The following OTOGL variants were observed in gnomAD, a reference collection of about 807,000 sequenced individuals.
OTOGL encodes otogelin like.
Under a neutral mutation model 318.5 loss-of-function variants are expected in OTOGL, and 285 were observed. The ratio of observed to expected loss-of-function variants is 0.89; its 90% CI spans 0.81 to 0.99. The LOEUF (loss-of-function observed/expected upper bound fraction) is 0.99, where lower values mean the gene tolerates loss of function less well. Ranked by LOEUF, OTOGL falls within the 50% of genes least tolerant of loss-of-function variation. The pLI is 0.00. For synonymous variants in OTOGL, 987 were observed against 936.5 expected (o/e 1.05, Z -0.99); for missense variants, 2,899 against 2,845.6 (o/e 1.02, Z -0.43).
intron 58 of OTOGL, 32 bp from the exon 59 acceptor site, chr12:80,377,816 A>C: frequency 6.6e-7 from 1 of 1,511,528 alleles, no homozygotes; most frequent in East Asian, 2.3e-5. Context: ...TTAAAAGTTT[A>C]AGACTTTTTT....
intron 13 of OTOGL, 115 bp downstream of exon 13, chr12:80,252,316 T>A (rs1459007794): frequency 8.5e-7 from 1 of 1,176,250 alleles, no homozygotes; most frequent in Non-Finnish European, 1.1e-6. Flanking sequence ...TATTGCAATT[T>A]TCTGTTCTTG....
At chr12:80,146,572 T>TAA (rs558377529) in intron 1 of OTOGL, among the ~76,000 whole-genome samples, 7 of 151,174 alleles carry the variant, frequency 4.6e-5, no homozygotes, top group African/African-American at 1.7e-4. Flanking sequence ...GCTGGCCTCA[T>TAA]AAAATGAGTT....
rs1266187258 is a variant in OTOGL, at chr12:80,219,230, G to A, written c.236-584G>A. 2.6e-5 allele frequency among the ~76,000 whole-genome samples: 4 copies of A among 152,226 alleles called. No individual in the cohort carries two copies. In the East Asian group the frequency reaches 7.7e-4, roughly 29 times the overall value. On this transcript the variant is annotated intron_variant, in intron 5 of 58. Coordinates refer to ENST00000547103, the MANE Select transcript of OTOGL (RefSeq NM_001378609.3). ...GGGTTCAAGTGATTCTCCTGCCTCA[G>A]CCTCCCATGTAGCTGGGACTACAGG...
At chr12:80,251,201 A>G (rs990789201) in intron 11 of OTOGL, among the ~76,000 whole-genome samples, 16 of 152,190 alleles carry the variant, frequency 1.1e-4, no homozygotes, top group African/African-American at 3.6e-4. Flanking sequence ...TTTGATTACT[A>G]TAGATTATTG....
intron 1 of OTOGL, among the ~76,000 whole-genome samples, chr12:80,112,417 C>A (rs2137082165): frequency 6.6e-6 from 1 of 152,228 alleles, no homozygotes; most frequent in East Asian, 1.9e-4. Flanking sequence ...AGATGTCTTC[C>A]ATCAATAGCT....
rs542415845 is a variant in OTOGL, at chr12:80,198,454, C to T, written c.-19-10959C>T. Among the ~76,000 whole-genome samples, 34 of 152,114 alleles carry T rather than the reference C, an allele frequency of 2.2e-4. 1 individual carries two copies. In the East Asian group the frequency reaches 5.6e-3, roughly 25 times the overall value. ...CAAAAATTAGCTGGGCATGGTGGCA[C>T]GTGCCTGTAATCCCAGCTACCTGGG... On this transcript the variant is annotated intron_variant, in intron 1 of 58. Coordinates refer to ENST00000547103, the MANE Select transcript of OTOGL (RefSeq NM_001378609.3).
rs201877625 is a variant in OTOGL, at chr12:80,377,120, C to T, written c.6782-3C>T. The T allele has an allele frequency of 1.3e-3, 2,137 of 1,596,548 alleles. 48 individuals carry two copies. The South Asian group carries it at 0.021, about 16-fold the overall frequency. On this transcript the variant is annotated splice_polypyrimidine_tract_variant and splice_region_variant and intron_variant, in intron 57 of 58. Transcript: ENST00000547103. ...TGAATAAATACATTTTATATTTTAT[C>T]AGGCAAACGAGAAGAAAGAATATGC...
At chr12:80,232,833 G>A (rs1392402161) in intron 8 of OTOGL, 59 bp from the exon 9 acceptor site, 30 of 1,368,346 alleles carry the variant, frequency 2.2e-5, no homozygotes, top group Non-Finnish European at 3.0e-5. Flanking sequence ...TTAAAAATAT[G>A]TCATCTGTAA....
At chr12:80,291,303 C>T (rs1885027762) in intron 26 of OTOGL, among the ~76,000 whole-genome samples, 1 of 152,194 alleles carries the variant, frequency 6.6e-6, no homozygotes, top group Non-Finnish European at 1.5e-5. Context: ...GACCAATGTA[C>T]TTGCAAAATA....
At chr12:80,150,772 T>C (rs189505961) in intron 1 of OTOGL, among the ~76,000 whole-genome samples, 92 of 152,336 alleles carry the variant, frequency 6.0e-4, no homozygotes, top group African/African-American at 2.1e-3. Context: ...TTGATGGTAG[T>C]GTGCAGATTC....
chr12:80,124,067 T>C (rs1302230416), intron 1 of OTOGL, among the ~76,000 whole-genome samples: 2 of 152,224 alleles, frequency 1.3e-5, no homozygotes, highest in African/African-American at 4.8e-5. Context: ...TCAATTTGGC[T>C]TTTATTGCCA....
intron 1 of OTOGL, among the ~76,000 whole-genome samples, chr12:80,139,109 A>T (rs1871761466): frequency 6.6e-6 from 1 of 152,196 alleles, no homozygotes; most frequent in Non-Finnish European, 1.5e-5. Flanking sequence ...AGAAAGAATA[A>T]GAAATATCCG....
chr12:80,196,555 G>A (rs1364001515), intron 1 of OTOGL, among the ~76,000 whole-genome samples: 1 of 152,278 alleles, frequency 6.6e-6, no homozygotes, highest in South Asian at 2.1e-4. Context: ...AGTGGAGGGG[G>A]TTTCACTTGT....
chr12:80,151,029 G>A (rs1872751781), intron 1 of OTOGL, among the ~76,000 whole-genome samples: 1 of 152,088 alleles, frequency 6.6e-6, no homozygotes, highest in Admixed American at 6.5e-5. Context: ...TGTGAGAAAG[G>A]GTAGGTAAAA....
chr12:80,327,019 A>T (rs974571054), intron 35 of OTOGL, among the ~76,000 whole-genome samples: 1 of 152,208 alleles, frequency 6.6e-6, no homozygotes, highest in Non-Finnish European at 1.5e-5. Context: ...ATTATTTAAA[A>T]CTGCTAGTAT....
intron 22 of OTOGL, 65 bp downstream of exon 22, chr12:80,267,392 T>C: frequency 1.5e-6 from 1 of 658,778 alleles, no homozygotes; most frequent in Non-Finnish European, 2.1e-6. Context: ...TTCTTTCTTT[T>C]ATATATATAT....
At chr12:80,287,169 A>G (rs1299142942) in intron 26 of OTOGL, among the ~76,000 whole-genome samples, 3 of 151,812 alleles carry the variant, frequency 2.0e-5, no homozygotes, top group African/African-American at 7.3e-5. Context: ...GTAGTCATTC[A>G]GGAGCACGTT....
At chr12:80,360,914 A>G (rs941419799) in intron 52 of OTOGL, among the ~76,000 whole-genome samples, 10 of 152,138 alleles carry the variant, frequency 6.6e-5, no homozygotes, top group African/African-American at 1.9e-4. Context: ...TTCAAAATAT[A>G]TATACATTAT....
At chr12:80,250,983 G>A (rs1019328870) in intron 11 of OTOGL, among the ~76,000 whole-genome samples, 3 of 152,150 alleles carry the variant, frequency 2.0e-5, no homozygotes, top group Non-Finnish European at 2.9e-5. Context: ...TCTTGGCAAT[G>A]TTATAAAAAT....
Sources: allele counts gnomAD v4.1 joint callset (sites outside exome capture counted in the v4.1 genomes callset), GRCh38; gene constraint gnomAD v4.1.1; transcripts MANE v1.5; gene names NCBI Gene and HGNC (gene_info 2026-07-23, HGNC 2026-07-21).